WDR45B: variants seen among roughly 807,000 people sequenced by gnomAD.
WDR45B encodes the protein WD repeat domain phosphoinositide-interacting protein 3.
A neutral mutation model predicts 44.6 loss-of-function variants in WDR45B; 20 were observed. The observed-to-expected ratio is 0.45, with a 90% CI of 0.32 to 0.65. WDR45B has a LOEUF of 0.65. Among genes scored for constraint, WDR45B ranks in the 30% least tolerant of loss-of-function variants. WDR45B has a pLI of 0.05. For synonymous variants in WDR45B, 169 were observed against 164.9 expected (o/e 1.02, Z -0.19); for missense variants, 323 against 430.2 (o/e 0.75, Z 2.20).
rs1430301995 is a variant in WDR45B at position 82,615,278 on chromosome 17, C to T, written c.*641G>A. The T allele has an allele frequency of 6.4e-6, 1 of 156,552 alleles. No homozygotes were observed. Among genetic ancestry groups the T allele is most frequent in the Non-Finnish European group, 1.4e-5 (1 of 70,596 alleles). The allele number at this position is 156,552 out of a possible 1,614,324, so 9.7% of individuals were successfully genotyped here. Reference sequence around the variant, plus strand: ...CCCCAACGGAGACGGGGACGCCACGCACGGGCACAGGTGACGTCACGGGCA... The same window carrying T: ...CCCCAACGGAGACGGGGACGCCACGTACGGGCACAGGTGACGTCACGGGCA... On this transcript the variant is annotated 3_prime_UTR_variant, in exon 10 of 10. Coordinates refer to ENST00000392325, the MANE Select transcript of WDR45B (RefSeq NM_019613.4).
intron 2 of WDR45B, among the ~76,000 whole-genome samples, chr17:82,633,276 A>G (rs1317671584): frequency 1.3e-5 from 2 of 152,200 alleles, no homozygotes; most frequent in Admixed American, 6.6e-5. Context: ...ACGGCAGAGC[A>G]TATTTACAAA....
chr17:82,647,198 G>C lies in WDR45B; in HGVS notation c.67+1076C>G, dbSNP rs577534448. ...GAGTCGAGATCGCACCAGGCTGGGC[G>C]ACAGAATGAGACTCCGTCTCAAAAT... On this transcript the variant is annotated intron_variant, in intron 1 of 9. Coordinates refer to ENST00000392325, the MANE Select transcript of WDR45B (RefSeq NM_019613.4). Among the ~76,000 whole-genome samples, 4 of 119,816 alleles carry C rather than the reference G, an allele frequency of 3.3e-5. No individual in the cohort carries two copies. The South Asian group carries it at 1.1e-3, about 33-fold the overall frequency. The allele number at this position is 119,816 out of a possible 152,430, so 78.6% of individuals were successfully genotyped here.
At chr17:82,622,647 T>C (rs1430856622) in intron 5 of WDR45B, among the ~76,000 whole-genome samples, 3 of 152,172 alleles carry the variant, frequency 2.0e-5, no homozygotes, top group Non-Finnish European at 2.9e-5. Flanking sequence ...TTAGCCAGGA[T>C]GGTCTCAATC....
intron 8 of WDR45B, 87 bp from the exon 9 acceptor site, chr17:82,616,732 C>A: frequency 6.5e-7 from 1 of 1,539,720 alleles, no homozygotes. Context: ...GCTGAAAATA[C>A]GAAAATGCTC....
At chr17:82,634,087 G>A (rs12453717) in intron 2 of WDR45B, among the ~76,000 whole-genome samples, 20,088 of 139,090 alleles carry the variant, frequency 0.14, 1,809 homozygotes, top group East Asian at 0.28. Context: ...GGAAGCGGAC[G>A]TTGCAGTGAG....
intron 2 of WDR45B, among the ~76,000 whole-genome samples, chr17:82,640,077 A>G (rs1351417737): frequency 6.9e-6 from 1 of 144,112 alleles, no homozygotes; most frequent in East Asian, 2.0e-4. Flanking sequence ...CTGCCCCCCA[A>G]GACTGAAGGA....
intron 1 of WDR45B, among the ~76,000 whole-genome samples, chr17:82,645,313 A>C (rs2045962471): frequency 6.6e-6 from 1 of 152,014 alleles, no homozygotes; most frequent in Non-Finnish European, 1.5e-5. Context: ...AAAAAACAAA[A>C]ATAAAAAATA....
Position 82,643,923 on chromosome 17 carries a change from C to T in WDR45B, c.142+26G>A, listed in dbSNP as rs370041527. 1.4e-4 allele frequency: 226 copies of T among 1,610,946 alleles called. No individual in the cohort carries two copies. In the Middle Eastern group the frequency reaches 3.5e-3, roughly 25 times the overall value. ...CTCCGAGGGTTGGAAAGGGGAGAAA[C>T]CAGAAAATGTCCCGTTAATTCTTAC... On this transcript the variant is annotated intron_variant, in intron 2 of 9. Coordinates refer to ENST00000392325, the MANE Select transcript of WDR45B (RefSeq NM_019613.4).
Position 82,616,676 on chromosome 17 carries a change from A to T in WDR45B, c.807-31T>A, listed in dbSNP as rs1423753855. 1.9e-6 allele frequency: 3 copies of T among 1,614,034 alleles called. No individual in the cohort carries two copies. The Admixed American group carries it at 5.0e-5, about 27-fold the overall frequency. Reference sequence around the variant, plus strand: ...AAGACAAGAAAAGAAAGGGTGGTTCAAAGTTTACAGGAAAAAAAATCACCT... The same window carrying T: ...AAGACAAGAAAAGAAAGGGTGGTTCTAAGTTTACAGGAAAAAAAATCACCT... On this transcript the variant is annotated intron_variant, in intron 8 of 9. Transcript: ENST00000392325.
intron 2 of WDR45B, among the ~76,000 whole-genome samples, chr17:82,641,163 C>T (rs1178174924): frequency 6.6e-6 from 1 of 152,034 alleles, no homozygotes; most frequent in Non-Finnish European, 1.5e-5. Flanking sequence ...GATGGGGTTT[C>T]ACCGTGTTGC....
intron 6 of WDR45B, among the ~76,000 whole-genome samples, chr17:82,620,241 C>T (rs1317853919): frequency 2.0e-5 from 3 of 152,176 alleles, no homozygotes; most frequent in Non-Finnish European, 4.4e-5. Context: ...CCAAGCCAGC[C>T]TGACCAACAT....
At chr17:82,642,099 C>T (rs1303685529) in intron 2 of WDR45B, among the ~76,000 whole-genome samples, 4 of 152,132 alleles carry the variant, frequency 2.6e-5, no homozygotes, top group Middle Eastern at 3.2e-3. Flanking sequence ...TCCCCCCACA[C>T]CTTGTTCCGT....
At chr17:82,634,895 A>T (rs1300348893) in intron 2 of WDR45B, among the ~76,000 whole-genome samples, 1 of 151,962 alleles carries the variant, frequency 6.6e-6, no homozygotes, top group Admixed American at 6.6e-5. Flanking sequence ...TGCAACAGAG[A>T]TCAACCTAGA....
chr17:82,626,533 C>CAAA (rs562186058), intron 4 of WDR45B, among the ~76,000 whole-genome samples: 6,429 of 78,124 alleles, frequency 0.082, 352 homozygotes, highest in East Asian at 0.11. Flanking sequence ...CTCTATCTCC[C>CAAA]AAAAAAAAAA....
At chr17:82,637,780 A>C (rs2045853983) in intron 2 of WDR45B, among the ~76,000 whole-genome samples, 1 of 151,984 alleles carries the variant, frequency 6.6e-6, no homozygotes, top group Non-Finnish European at 1.5e-5. Flanking sequence ...AAGCTCTCTG[A>C]ACCCCGTCTC....
At chr17:82,644,269 A>G in intron 1 of WDR45B, 1 of 542,798 alleles carries the variant, frequency 1.8e-6, no homozygotes, top group Non-Finnish European at 3.3e-6. Context: ...TCCCCACTGC[A>G]GGGGCCTTCT....
At chr17:82,646,363 T>C (rs1350523179) in intron 1 of WDR45B, among the ~76,000 whole-genome samples, 2 of 151,052 alleles carry the variant, frequency 1.3e-5, no homozygotes, top group South Asian at 2.1e-4. Context: ...GGTGCATGCC[T>C]GTAATCTCAG....
chr17:82,642,037 G>T (rs1428332816), intron 2 of WDR45B, among the ~76,000 whole-genome samples: 1 of 152,118 alleles, frequency 6.6e-6, no homozygotes, highest in African/African-American at 2.4e-5. Flanking sequence ...TGAACACATG[G>T]AAGGTTCTGG....
chr17:82,625,580 A>C, intron 4 of WDR45B, 97 bp from the exon 5 acceptor site: 3 of 1,160,870 alleles, frequency 2.6e-6, no homozygotes, highest in Non-Finnish European at 3.8e-6. Flanking sequence ...AGAAACACTG[A>C]AAATACCACA....
Sources: gnomAD v4.1 joint callset for allele counts (sites outside exome capture counted in the v4.1 genomes callset) on GRCh38, gnomAD v4.1.1 for gene constraint, MANE v1.5 for transcripts, NCBI Gene and HGNC (gene_info 2026-07-23, HGNC 2026-07-21) for gene names.